The following ZNF407 variants were observed in gnomAD, a reference collection of about 807,000 sequenced individuals.
ZNF407 encodes zinc finger protein 407.
ZNF407 carries 17 observed loss-of-function variants against 131.2 expected under a neutral mutation model. The ratio of observed to expected loss-of-function variants is 0.13; its 90% CI spans 0.09 to 0.19. The LOEUF is 0.19. Ranked by LOEUF, ZNF407 falls within the 10% of genes least tolerant of loss-of-function variation. ZNF407 has a pLI of 1.00. For synonymous variants in ZNF407, 1,156 were observed against 1,062.0 expected, an observed-to-expected ratio of 1.09 and a Z score of -1.72; for missense variants, 2,681 against 2,830.6, an observed-to-expected ratio of 0.95 and a Z score of 1.20.
At chr18:74,630,893 T>C (rs1443467713) in intron 1 of ZNF407, 74 bp from the exon 2 acceptor site, 3 of 1,181,534 alleles carry the variant, frequency 2.5e-6, no homozygotes, top group African/African-American at 1.5e-5. Context: ...TTCATGATAC[T>C]TTTTCATCTA....
chr18:74,732,161 A>T lies in ZNF407; in HGVS notation c.4803-49267A>T, dbSNP rs563674449. 6.6e-5 allele frequency among the ~76,000 whole-genome samples: 10 copies of T among 152,358 alleles called. No homozygotes were observed. The South Asian group carries it at 1.9e-3, about 28-fold the overall frequency. ...TTTGGACTTCAGTTAAATCTAAATAATGGAGCCATTTTCTGTACATCTTGG... is the reference window on the plus strand; with the variant it reads ...TTTGGACTTCAGTTAAATCTAAATATTGGAGCCATTTTCTGTACATCTTGG... On this transcript the variant is annotated intron_variant, in intron 3 of 8. Coordinates refer to ENST00000299687, the MANE Select transcript of ZNF407 (RefSeq NM_017757.3).
chr18:74,831,195 C>G (rs1970477920), intron 4 of ZNF407, among the ~76,000 whole-genome samples: 1 of 152,170 alleles, frequency 6.6e-6, no homozygotes, highest in Admixed American at 6.5e-5. Flanking sequence ...CCTAGGTTGA[C>G]TGCATATCTT....
At chr18:74,820,021 A>T (rs1970319080) in intron 4 of ZNF407, among the ~76,000 whole-genome samples, 1 of 152,164 alleles carries the variant, frequency 6.6e-6, no homozygotes, top group Non-Finnish European at 1.5e-5. Context: ...ATCAGCACTG[A>T]AGGAGGGCAG....
At chr18:74,787,318 G>A (rs1969737909) in intron 4 of ZNF407, among the ~76,000 whole-genome samples, 1 of 152,172 alleles carries the variant, frequency 6.6e-6, no homozygotes, top group African/African-American at 2.4e-5. Context: ...TATCTTGCTG[G>A]GATTTGGAAG....
chr18:75,020,041 A>G (rs1477129112), intron 8 of ZNF407, among the ~76,000 whole-genome samples: 5 of 152,170 alleles, frequency 3.3e-5, no homozygotes, highest in Non-Finnish European at 7.4e-5. Flanking sequence ...CATCCTGGTC[A>G]TCAGATTGAC....
Position 74,699,178 on chromosome 18 carries a change from CA to C in ZNF407, c.4802+58059del, listed in dbSNP as rs539238112. ...TTGGGTCCAATTTCCTGTGAGTAAA[CA>C]AATATTTTCTTCTGTATTTCATTGC... is the stretch of plus-strand genomic sequence containing the variant. On this transcript the variant is annotated intron_variant, in intron 3 of 8. Transcript: ENST00000299687. 4.0e-3 allele frequency among the ~76,000 whole-genome samples: 611 copies of C among 152,190 alleles called. 4 individuals are homozygous for C. Among genetic ancestry groups the C allele is most frequent in the Middle Eastern group, 0.014 (4 of 294 alleles).
At chr18:74,910,834 T>A (rs1391665293) in intron 7 of ZNF407, among the ~76,000 whole-genome samples, 2 of 152,178 alleles carry the variant, frequency 1.3e-5, no homozygotes, top group African/African-American at 4.8e-5. Flanking sequence ...TAAATTAAAC[T>A]TAATGAACGG....
chr18:74,883,393 C>T (rs769549296), intron 6 of ZNF407, among the ~76,000 whole-genome samples: 6 of 152,180 alleles, frequency 3.9e-5, no homozygotes, highest in Non-Finnish European at 8.8e-5. Context: ...ATTTCTCTGA[C>T]GTATTCCTCT....
intron 3 of ZNF407, among the ~76,000 whole-genome samples, chr18:74,677,909 C>A (rs1395298568): frequency 6.6e-6 from 1 of 152,124 alleles, no homozygotes; most frequent in African/African-American, 2.4e-5. Flanking sequence ...CAACCTCTGC[C>A]TCTTGGGTTC....
At chr18:74,642,899 T>C (rs900600623) in intron 3 of ZNF407, among the ~76,000 whole-genome samples, 3 of 152,282 alleles carry the variant, frequency 2.0e-5, no homozygotes, top group Admixed American at 6.5e-5. Flanking sequence ...GAAATAATTG[T>C]TCTCTTTGTA....
chr18:74,755,728 C>CTTTCTTT lies in ZNF407; in HGVS notation c.4803-25700_4803-25699insTTTCTTT, dbSNP rs1968925683. Reference sequence around the variant, plus strand: ...CTCAGCCTGCCTCTCTTCTTTCTTTCCTTTCTTTCTTTCTTTCTTTCTTTC... The same window carrying CTTTCTTT: ...CTCAGCCTGCCTCTCTTCTTTCTTTCTTTCTTTCTTTCTTTCTTTCTTTCTTTCTTTC... On this transcript the variant is annotated intron_variant, in intron 3 of 8. Transcript: ENST00000299687. Among the ~76,000 whole-genome samples, 298 of 63,478 alleles carry CTTTCTTT rather than the reference C, an allele frequency of 4.7e-3. 4 individuals carry two copies. The highest frequency in any genetic ancestry group is 0.018 in the African/African-American group (257 of 14,180). 41.6% of individuals were successfully genotyped at this position (63,478 alleles called of 152,430 possible). A position where few individuals can be genotyped will look rare whatever the true frequency, so the allele number is the denominator to read the frequency against.
chr18:74,846,089 C>T (rs1970698472), intron 4 of ZNF407, among the ~76,000 whole-genome samples: 1 of 152,126 alleles, frequency 6.6e-6, no homozygotes, highest in East Asian at 1.9e-4. Flanking sequence ...TCATGCCTCA[C>T]TAGAAATTAT....
chr18:74,622,783 T>G (rs1983577646), intron 1 of ZNF407, among the ~76,000 whole-genome samples: 1 of 152,016 alleles, frequency 6.6e-6, no homozygotes, highest in African/African-American at 2.4e-5. Flanking sequence ...AGTGCGCGTG[T>G]CATTGTGTCT....
intron 3 of ZNF407, among the ~76,000 whole-genome samples, chr18:74,765,902 A>G (rs964122793): frequency 4.6e-5 from 7 of 151,618 alleles, no homozygotes; most frequent in African/African-American, 1.7e-4. Flanking sequence ...ATTTTTTTTT[A>G]ATCAATGGGA....
At chr18:74,678,271 A>G (rs1190359486) in intron 3 of ZNF407, among the ~76,000 whole-genome samples, 3 of 152,168 alleles carry the variant, frequency 2.0e-5, no homozygotes, top group African/African-American at 4.8e-5. Flanking sequence ...TGTATTGCAT[A>G]TATTAGTACA....
At chr18:74,800,079 A>C (rs1969993919) in intron 4 of ZNF407, among the ~76,000 whole-genome samples, 1 of 151,978 alleles carries the variant, frequency 6.6e-6, no homozygotes, top group Admixed American at 6.6e-5. Flanking sequence ...CTTTGAGGAG[A>C]GTCCAAAGAC....
intron 3 of ZNF407, among the ~76,000 whole-genome samples, chr18:74,770,610 A>G (rs958369836): frequency 6.6e-6 from 1 of 152,214 alleles, no homozygotes; most frequent in African/African-American, 2.4e-5. Flanking sequence ...AGTTCTTAGA[A>G]TAGTTAAATC....
At chr18:74,782,796 T>G (rs958354136) in intron 4 of ZNF407, among the ~76,000 whole-genome samples, 6 of 152,126 alleles carry the variant, frequency 3.9e-5, no homozygotes, top group African/African-American at 1.4e-4. Flanking sequence ...TTTTTTTGTA[T>G]TTTTAGTAGA....
chr18:74,822,095 C>T (rs971030175), intron 4 of ZNF407, among the ~76,000 whole-genome samples: 8 of 152,140 alleles, frequency 5.3e-5, no homozygotes, highest in Admixed American at 2.0e-4. Context: ...CTGTTCATAT[C>T]CTTTGGCCAC....
Sources: gnomAD v4.1 joint callset for allele counts (sites outside exome capture counted in the v4.1 genomes callset) on GRCh38, gnomAD v4.1.1 for gene constraint, MANE v1.5 for transcripts, NCBI Gene and HGNC (gene_info 2026-07-23, HGNC 2026-07-21) for gene names.